Variants in THAP8 observed in about 807,000 individuals in gnomAD.
THAP8 encodes the protein THAP domain containing 8, also known as THAP domain-containing protein 8.
In THAP8, 24 loss-of-function variants were observed where a neutral mutation model predicts 25.0. That is an observed-to-expected ratio of 0.96 (90% CI 0.69 to 1.35). THAP8 has a LOEUF of 1.35. THAP8 is among the 40% of genes most tolerant of loss of function. The probability of loss-of-function intolerance (pLI) is 0.00; values close to 1 mark genes in which losing one functional copy is unlikely to be tolerated. For missense variants in THAP8, 399 were observed against 368.8 expected, an observed-to-expected ratio of 1.08 and a Z score of -0.67; for synonymous variants, 169 against 157.6, an observed-to-expected ratio of 1.07 and a Z score of -0.54.
At chr19:36,045,810 A>G in intron 1 of THAP8, 1 of 456,612 alleles carries the variant, frequency 2.2e-6, no homozygotes, top group South Asian at 1.5e-5. Context: ...CAGGCAAAGA[A>G]GAGATTCTCC....
At chr19:36,036,812 G>A (rs4806253) in intron 3 of THAP8, among the ~76,000 whole-genome samples, 71,561 of 151,636 alleles carry the variant, frequency 0.47, 17,609 homozygotes, top group African/African-American at 0.6. Flanking sequence ...ATGGTGGCAC[G>A]TGCCTGTAAT....
At chr19:36,039,835 G>C in intron 2 of THAP8, 109 bp downstream of exon 2, 1 of 1,565,542 alleles carries the variant, frequency 6.4e-7, no homozygotes, top group Non-Finnish European at 8.6e-7. Context: ...ACCTCAGGGA[G>C]GAAGTGTCGT....
rs767460428 is a variant in THAP8, at chr19:36,054,197, C to G, written c.21G>C (p.Ala7=). The G allele has an allele frequency of 6.2e-7, 1 of 1,613,852 alleles. No individual in the cohort carries two copies. The highest frequency in any genetic ancestry group is 8.5e-7 in the Non-Finnish European group (1 of 1,179,896). Residue 7 remains alanine, a synonymous_variant, in exon 1 of 4, where the codon GCG becomes GCC. Coordinates refer to ENST00000292894, the MANE Select transcript of THAP8 (RefSeq NM_152658.3). The part of the protein sequence containing the change: MPKYCR[A]PNCSNTAGRL... ...GGCCCGCAGTGTTGGAGCAGTTCGG[C>G]GCCCTGCAGTACTTGGGCATGGCTA...
Position 36,035,251 on chromosome 19 carries a change from G to T in THAP8, c.*189C>A. The T allele has an allele frequency of 1.5e-6, 1 of 653,592 alleles. No individual in the cohort carries two copies. The highest frequency in any genetic ancestry group is 2.4e-6 in the Non-Finnish European group (1 of 410,418). The allele number at this position is 653,592 out of a possible 1,614,324, so 40.5% of individuals were successfully genotyped here. A position where few individuals can be genotyped will look rare whatever the true frequency, so the allele number is the denominator to read the frequency against. On this transcript the variant is annotated 3_prime_UTR_variant, in exon 4 of 4. Transcript: ENST00000292894. ...GGTACCCAGGGGATTGGGGGCTGAT[G>T]AGAGACTTGGGCCCAGGTCACCCCT...
In THAP8 at chr19:36,039,943, C is replaced by T; in HGVS notation, c.276+1G>A. On this transcript the variant is annotated splice_donor_variant, in intron 2 of 3. Coordinates refer to ENST00000292894, the MANE Select transcript of THAP8 (RefSeq NM_152658.3). LOFTEE classifies it high-confidence loss of function. ...CAGCAGCAGGACCTCCCAGCGCTCACCTTGGCAGGTGGTCCCCGGGAGAAG... is the reference window on the plus strand; with the variant it reads ...CAGCAGCAGGACCTCCCAGCGCTCATCTTGGCAGGTGGTCCCCGGGAGAAG... The T allele has an allele frequency of 6.2e-7, 1 of 1,612,714 alleles. No homozygotes were observed.
chr19:36,054,432 A>G, upstream of THAP8: 3 of 619,926 alleles, frequency 4.8e-6, no homozygotes, highest in Non-Finnish European at 2.9e-6. Flanking sequence ...CGAATGGGCC[A>G]TAGCGAGTAC....
chr19:36,050,842 G>A (rs893780164), intron 1 of THAP8, among the ~76,000 whole-genome samples: 9 of 152,176 alleles, frequency 5.9e-5, no homozygotes, highest in African/African-American at 2.2e-4. Context: ...CAAAGGATCC[G>A]TGACACATGG....
At position 36,052,186 on chromosome 19, in the gene THAP8, A is replaced by G. The variant is rs8101127; in HGVS notation, c.83+1949T>C. On this transcript the variant is annotated intron_variant, in intron 1 of 3. Coordinates refer to ENST00000292894, the MANE Select transcript of THAP8 (RefSeq NM_152658.3). ...CAGCCTCCCAAGTAGCTGGGATTAC[A>G]GGCATGTGCCACCACACCTAGCTAA... is the stretch of plus-strand genomic sequence containing the variant. 3.1e-3 allele frequency among the ~76,000 whole-genome samples: 467 copies of G among 152,226 alleles called. 3 individuals are homozygous for G. The highest frequency in any genetic ancestry group is 0.011 in the African/African-American group (447 of 41,542).
chr19:36,054,230 C>G lies in THAP8; in HGVS notation c.-13G>C, dbSNP rs1352061430. ...AGTACTTGGGCATGGCTATCCAGCCCCCGCTGAGTTTTGCCGGGTCAGCGG... is the reference window on the plus strand; with the variant it reads ...AGTACTTGGGCATGGCTATCCAGCCGCCGCTGAGTTTTGCCGGGTCAGCGG... On this transcript the variant is annotated 5_prime_UTR_variant, in exon 1 of 4. Coordinates refer to ENST00000292894, the MANE Select transcript of THAP8 (RefSeq NM_152658.3). 6.2e-7 allele frequency: 1 copy of G among 1,612,198 alleles called. No individual in the cohort carries two copies. Among genetic ancestry groups the G allele is most frequent in the Admixed American group, 1.7e-5 (1 of 59,794 alleles).
rs1969610780 is a variant in THAP8 at position 36,039,606 on chromosome 19, AGGCGCACTG to A, written c.380_388del (p.Pro127_Arg129del). 6.6e-7 allele frequency: 1 copy of A among 1,511,806 alleles called. No individual in the cohort carries two copies. Among genetic ancestry groups the A allele is most frequent in the East Asian group, 2.5e-5 (1 of 40,532 alleles). 93.6% of individuals were successfully genotyped at this position (1,511,806 alleles called of 1,614,324 possible). ...CCCCGATGTGGGGCCCAGCACCACT[AGGCGCACTG>A]GGCCAGAGACTGGGATGGCAGGGCT... On this transcript the variant is annotated inframe_deletion, in exon 3 of 4. Coordinates refer to ENST00000292894, the MANE Select transcript of THAP8 (RefSeq NM_152658.3).
intron 3 of THAP8, among the ~76,000 whole-genome samples, chr19:36,037,558 G>A (rs1159102443): frequency 1.3e-5 from 2 of 152,176 alleles, no homozygotes; most frequent in African/African-American, 4.8e-5. Flanking sequence ...CTGACTGTGG[G>A]CACACTACTG....
At chr19:36,035,819 G>A (rs147595885) in intron 3 of THAP8, among the ~76,000 whole-genome samples, 2 of 152,012 alleles carry the variant, frequency 1.3e-5, no homozygotes, top group East Asian at 1.9e-4. Context: ...AAGTGCGGGG[G>A]CACAGACGCA....
chr19:36,046,714 ACCATCT>A (rs1969892762), intron 1 of THAP8, among the ~76,000 whole-genome samples: 1 of 152,214 alleles, frequency 6.6e-6, no homozygotes, highest in Non-Finnish European at 1.5e-5. Context: ...TCTTATTGCC[ACCATCT>A]CCCAGGCAGA....
Position 36,039,456 on chromosome 19 carries a change from A to T in THAP8, c.539T>A (p.Leu180Gln), listed in dbSNP as rs1969601878. The T allele has an allele frequency of 6.3e-7, 1 of 1,599,454 alleles. No individual in the cohort carries two copies. The highest frequency in any genetic ancestry group is 8.5e-7 in the Non-Finnish European group (1 of 1,172,522). ...QTGLGPVLGALQRRVRRLQRC... is the reference protein window; with the variant it reads ...QTGLGPVLGAQQRRVRRLQRC... ...TTGCAGCCTCCGCACCCGGCGTTGC[A>T]GTGCTCCCAGCACTGGGCCCAGCCC... Residue 180 changes from leucine to glutamine, a missense_variant, in exon 3 of 4, where the codon CTG becomes CAG. Physicochemically the swap from Leu to Gln is moderately radical, Grantham distance 113 (BLOSUM62 -2). Transcript: ENST00000292894.
At chr19:36,044,613 C>T (rs1969812928) in intron 1 of THAP8, among the ~76,000 whole-genome samples, 1 of 152,180 alleles carries the variant, frequency 6.6e-6, no homozygotes, top group African/African-American at 2.4e-5. Context: ...CCTCAGCCTC[C>T]CGAGTACCTG....
At chr19:36,043,781 G>A (rs1969782696) in intron 1 of THAP8, among the ~76,000 whole-genome samples, 1 of 152,092 alleles carries the variant, frequency 6.6e-6, no homozygotes, top group Non-Finnish European at 1.5e-5. Context: ...CCAGCTACTC[G>A]GGAGGCTGAG....
chr19:36,050,436 G>A (rs1429433156), intron 1 of THAP8, among the ~76,000 whole-genome samples: 4 of 152,132 alleles, frequency 2.6e-5, no homozygotes, highest in Non-Finnish European at 2.9e-5. Flanking sequence ...GAGCCACCAC[G>A]CCCAGCCTAT....
chr19:36,036,272 C>CTCTT (rs770842997), intron 3 of THAP8, among the ~76,000 whole-genome samples: 61 of 110,468 alleles, frequency 5.5e-4, no homozygotes, highest in African/African-American at 2.3e-3. Flanking sequence ...AAAGACCAGA[C>CTCTT]TTTTTTTTTT....
intron 2 of THAP8, 53 bp downstream of exon 2, chr19:36,039,891 A>C: frequency 6.2e-7 from 1 of 1,604,870 alleles, no homozygotes; most frequent in Non-Finnish European, 8.5e-7. Context: ...GACTTCCCTT[A>C]GGCAGGGAGG....
Sources: gnomAD v4.1 joint callset for allele counts (sites outside exome capture counted in the v4.1 genomes callset) on GRCh38, gnomAD v4.1.1 for gene constraint, MANE v1.5 for transcripts, NCBI Gene and HGNC (gene_info 2026-07-23, HGNC 2026-07-21) for gene names.